USP48: variants seen among roughly 807,000 people sequenced by gnomAD.
The protein encoded by USP48 is ubiquitin carboxyl-terminal hydrolase 48.
USP48 carries 43 observed loss-of-function variants against 150.7 expected under a neutral mutation model. The ratio of observed to expected loss-of-function variants is 0.29; its 90% CI spans 0.22 to 0.37. The LOEUF is 0.37. Among genes scored for constraint, USP48 ranks in the 10% least tolerant of loss-of-function variants. USP48 has a pLI of 1.00. For missense variants in USP48, 813 were observed against 1,249.6 expected (o/e 0.65, Z 5.27); for synonymous variants, 396 against 425.9 (o/e 0.93, Z 0.86).
rs747300857 is a variant in USP48 at position 21,695,105 on chromosome 1, G to A, written c.2844C>T (p.Leu948=). 26 of 1,613,300 alleles carry A rather than the reference G, an allele frequency of 1.6e-5. No homozygotes were observed. The highest frequency in any genetic ancestry group is 2.2e-5 in the South Asian group (2 of 90,858). The change falls in exon 23 of 27, where the codon CTC becomes CTT. Residue 948 remains leucine, a synonymous_variant. Transcript: ENST00000308271. The stretch of plus-strand genomic sequence containing the variant: ...CTTTTAACGTCTGATTAGCAGAAAC[G>A]AGAAGTGCTTTCTCACCACGAACTT... ...HRKVRGEKAL[L]VSANQTLKEL... is the part of the protein sequence containing the mutation.
chr1:21,735,436 C>T lies in USP48; in HGVS notation c.1171+1010G>A, dbSNP rs540942788. ...GCAACCAGGTAAGACCCCGTCTCCA[C>T]AAAAAAATTGTTTTAAACATTTTTG... On this transcript the variant is annotated intron_variant, in intron 9 of 26. Transcript: ENST00000308271. 2.6e-5 allele frequency among the ~76,000 whole-genome samples: 4 copies of T among 152,162 alleles called. No homozygotes were observed. In the South Asian group the frequency reaches 8.3e-4, roughly 32 times the overall value.
At chr1:21,722,273 G>A (rs1274914532) in intron 12 of USP48, among the ~76,000 whole-genome samples, 1 of 151,904 alleles carries the variant, frequency 6.6e-6, no homozygotes, top group African/African-American at 2.4e-5. Context: ...GGCAGGTATA[G>A]TGGCTCATAC....
At chr1:21,759,425 T>A (rs1306142366) in intron 1 of USP48, among the ~76,000 whole-genome samples, 1 of 152,098 alleles carries the variant, frequency 6.6e-6, no homozygotes, top group Non-Finnish European at 1.5e-5. Flanking sequence ...AGGCTTCTTT[T>A]CCATAGAGAC....
intron 15 of USP48, among the ~76,000 whole-genome samples, chr1:21,712,037 T>C (rs959662269): frequency 6.6e-6 from 1 of 152,222 alleles, no homozygotes; most frequent in South Asian, 2.1e-4. Flanking sequence ...GATGTGATAA[T>C]ATACTGATAG....
At chr1:21,683,956 G>A (rs181184835) in intron 25 of USP48, among the ~76,000 whole-genome samples, 31 of 152,236 alleles carry the variant, frequency 2.0e-4, no homozygotes, top group African/African-American at 6.3e-4. Context: ...GCAAATGACA[G>A]GATTTCATTT....
At chr1:21,688,842 C>CAA (rs1185263002) in intron 24 of USP48, among the ~76,000 whole-genome samples, 12,333 of 88,560 alleles carry the variant, frequency 0.14, 1,001 homozygotes, top group African/African-American at 0.15. Context: ...GACTCCATCT[C>CAA]AAAAAAAAAA....
At chr1:21,753,835 A>C (rs1557574891) in intron 3 of USP48, among the ~76,000 whole-genome samples, 1 of 150,554 alleles carries the variant, frequency 6.6e-6, no homozygotes, top group Non-Finnish European at 1.5e-5. Flanking sequence ...AAAAAAAAAA[A>C]AAAAAAAAAA....
Position 21,706,592 on chromosome 1 carries a change from G to A in USP48, c.2089-3C>T. On this transcript the variant is annotated splice_polypyrimidine_tract_variant and splice_region_variant and intron_variant, in intron 16 of 26. Transcript: ENST00000308271. ...TCTTCCCCTTCTCTTTCTAAAATCT[G>A]AAAGAGAATGAAGCAATCAACTGTC... The A allele has an allele frequency of 6.2e-7, 1 of 1,614,080 alleles. No individual in the cohort carries two copies. The highest frequency in any genetic ancestry group is 8.5e-7 in the Non-Finnish European group (1 of 1,180,014).
chr1:21,684,857 T>C (rs190727887), intron 25 of USP48, among the ~76,000 whole-genome samples: 1 of 152,320 alleles, frequency 6.6e-6, no homozygotes, highest in Admixed American at 6.5e-5. Flanking sequence ...TGGCTGTAAA[T>C]ACGTGAATTT....
At chr1:21,690,182 TC>T in intron 23 of USP48, 83 bp from the exon 24 acceptor site, 1 of 1,280,852 alleles carries the variant, frequency 7.8e-7, no homozygotes, top group South Asian at 1.9e-5. Flanking sequence ...ATGCATGGAT[TC>T]TTAAAAAAAA....
chr1:21,693,701 G>A (rs17457434), intron 23 of USP48, among the ~76,000 whole-genome samples: 9,590 of 152,242 alleles, frequency 0.063, 415 homozygotes, highest in Non-Finnish European at 0.08. Flanking sequence ...TTGAATGTTC[G>A]AGGTTTCCCA....
chr1:21,729,289 A>G (rs1055248756), intron 10 of USP48, among the ~76,000 whole-genome samples: 1 of 151,958 alleles, frequency 6.6e-6, no homozygotes, highest in Admixed American at 6.6e-5. Flanking sequence ...CTCAAAAAAA[A>G]AAAAAAAAGA....
chr1:21,689,885 C>T, intron 24 of USP48, 89 bp downstream of exon 24: 1 of 1,530,418 alleles, frequency 6.5e-7, no homozygotes, highest in Non-Finnish European at 8.8e-7. Context: ...AGACCCAAGG[C>T]ATCCTTTAAC....
intron 22 of USP48, among the ~76,000 whole-genome samples, chr1:21,695,649 C>T (rs2097626193): frequency 6.6e-6 from 1 of 152,150 alleles, no homozygotes; most frequent in South Asian, 2.1e-4. Flanking sequence ...TTCCAGGCTG[C>T]AGTGAGCTAC....
At chr1:21,732,638 G>C (rs1294026956) in intron 9 of USP48, 1 of 318,590 alleles carries the variant, frequency 3.1e-6, no homozygotes, top group African/African-American at 2.2e-5. Context: ...TAACTATTTA[G>C]AGCTTTACAG....
chr1:21,744,593 C>G (rs543758689), intron 8 of USP48, among the ~76,000 whole-genome samples: 2 of 151,148 alleles, frequency 1.3e-5, no homozygotes, highest in Admixed American at 6.6e-5. Context: ...CTGGTCAACA[C>G]AGTGAAACCC....
chr1:21,778,264 G>A (rs1266626743), intron 1 of USP48, among the ~76,000 whole-genome samples: 1 of 151,898 alleles, frequency 6.6e-6, no homozygotes, highest in Non-Finnish European at 1.5e-5. Context: ...ATATATGAAT[G>A]GCCAATAAGT....
At chr1:21,689,620 A>G (rs1571701580) in intron 24 of USP48, among the ~76,000 whole-genome samples, 1 of 152,312 alleles carries the variant, frequency 6.6e-6, no homozygotes, top group East Asian at 1.9e-4. Context: ...AGGGAACAGG[A>G]AAGTAATGAT....
chr1:21,686,617 G>C (rs2097580860), intron 25 of USP48: 1 of 152,330 alleles, frequency 6.6e-6, no homozygotes, highest in Non-Finnish European at 1.5e-5. Flanking sequence ...CTGGGGGAGG[G>C]TAAGTAATGG....
Sources: allele counts gnomAD v4.1 joint callset (sites outside exome capture counted in the v4.1 genomes callset), GRCh38; gene constraint gnomAD v4.1.1; transcripts MANE v1.5; gene names NCBI Gene and HGNC (gene_info 2026-07-23, HGNC 2026-07-21).